Variants in RECQL5 observed in about 807,000 individuals in gnomAD.
The protein encoded by RECQL5 is ATP-dependent DNA helicase Q5.
A neutral mutation model predicts 103.4 loss-of-function variants in RECQL5; 88 were observed. The ratio of observed to expected loss-of-function variants is 0.85; its 90% CI spans 0.72 to 1.02. The LOEUF (loss-of-function observed/expected upper bound fraction) is 1.02, where lower values mean the gene tolerates loss of function less well. Ranked by LOEUF, RECQL5 falls within the 50% of genes least tolerant of loss-of-function variation. RECQL5 has a pLI of 0.00. For missense variants in RECQL5, 1,232 were observed against 1,284.3 expected (o/e 0.96, Z 0.62); for synonymous variants, 552 against 507.9 (o/e 1.09, Z -1.17).
At chr17:75,631,401 A>G (rs770014127) in intron 9 of RECQL5, 49 bp downstream of exon 9, 1 of 1,582,946 alleles carries the variant, frequency 6.3e-7, no homozygotes, top group South Asian at 1.1e-5. Context: ...CGCCAAGGGA[A>G]TGCCAGGCAA....
At chr17:75,648,466 C>G (rs114422498) in intron 8 of RECQL5, among the ~76,000 whole-genome samples, 1 of 152,046 alleles carries the variant, frequency 6.6e-6, no homozygotes, top group Admixed American at 6.5e-5. Flanking sequence ...CTCCACCTCC[C>G]GGGTCACGCC....
In RECQL5 at chr17:75,658,220, T is replaced by C; in HGVS notation, c.1149+78A>G. The C allele has an allele frequency of 5.3e-6, 8 of 1,496,112 alleles. No individual in the cohort carries two copies. The Middle Eastern group carries it at 7.1e-4, about 133-fold the overall frequency. 92.7% of individuals were successfully genotyped at this position (1,496,112 alleles called of 1,614,324 possible). A position where few individuals can be genotyped will look rare whatever the true frequency, so the allele number is the denominator to read the frequency against. ...CCTCCTCTAGCTTACACAAGCATCA[T>C]CAGAGTTCAGAAATCAGCTTCACAA... On this transcript the variant is annotated intron_variant, in intron 7 of 19. Coordinates refer to ENST00000317905, the MANE Select transcript of RECQL5 (RefSeq NM_004259.7).
rs2059403684 is a variant in RECQL5, at chr17:75,640,005, G to A, written c.1230-8337C>T. 1.5e-6 allele frequency: 1 copy of A among 686,116 alleles called. No homozygotes were observed. Among genetic ancestry groups the A allele is most frequent in the Non-Finnish European group, 2.3e-6 (1 of 431,180 alleles). 42.5% of individuals were successfully genotyped at this position (686,116 alleles called of 1,614,324 possible). A position where few individuals can be genotyped will look rare whatever the true frequency, so the allele number is the denominator to read the frequency against. On this transcript the variant is annotated intron_variant, in intron 8 of 19. Transcript: ENST00000317905. The surrounding 1 kb of genome is among the most constrained non-coding windows in gnomAD (Gnocchi z 4.6). ...CCCTGAGCTGTGTCAGCTGGGTGGG[G>A]ACTGAGGGCCACCACTAGGTGGAAG...
Position 75,640,257 on chromosome 17 carries a change from T to G in RECQL5, c.1230-8589A>C. 6.4e-7 allele frequency: 1 copy of G among 1,551,422 alleles called. No individual in the cohort carries two copies. The highest frequency in any genetic ancestry group is 8.7e-7 in the Non-Finnish European group (1 of 1,146,898). ...CGCGCCGTGGGCGAGAGGCTGCTGC[T>G]CAAGCTGCAGAGACTGCCCCAGGCT... On this transcript the variant is annotated intron_variant, in intron 8 of 19. Transcript: ENST00000317905. The surrounding 1 kb of genome is among the most constrained non-coding windows in gnomAD (Gnocchi z 4.6).
rs779095507 is a variant in RECQL5 at position 75,628,277 on chromosome 17, C to T, written c.2746G>A (p.Ala916Thr). 1 of 1,614,158 alleles carries T rather than the reference C, an allele frequency of 6.2e-7. No homozygotes were observed. Reference protein sequence around the residue: ...SAPGVSLKEAANVVVKCLTPF... With the variant: ...SAPGVSLKEATNVVVKCLTPF... ...GTGAGGCACTTGACCACAACATTTG[C>T]AGCCTCCTTCAAGGAGACGCCAGGA... Residue 916 changes from alanine to threonine, a missense_variant, in exon 18 of 20, where the codon GCA becomes ACA. Coordinates refer to ENST00000317905, the MANE Select transcript of RECQL5 (RefSeq NM_004259.7).
chr17:75,664,335 A>C (rs1293899760), intron 3 of RECQL5, among the ~76,000 whole-genome samples: 6 of 152,170 alleles, frequency 3.9e-5, no homozygotes, highest in Admixed American at 3.9e-4. Flanking sequence ...GCCCTTACCA[A>C]AATAAGCAGG....
At position 75,629,851 on chromosome 17, in the gene RECQL5, G is replaced by T; in HGVS notation, c.1813-9C>A. 6.3e-7 allele frequency: 1 copy of T among 1,587,492 alleles called. No homozygotes were observed. Among genetic ancestry groups the T allele is most frequent in the Non-Finnish European group, 8.6e-7 (1 of 1,164,838 alleles). On this transcript the variant is annotated splice_polypyrimidine_tract_variant and intron_variant, in intron 14 of 19. Transcript: ENST00000317905. ...CTGTGGATATCGGCCACCTGGGCAG[G>T]GATAGGCAGGGAGGCTGTGGCACCC...
chr17:75,630,569 A>G (rs904684314), intron 13 of RECQL5, 50 bp downstream of exon 13: 2 of 1,590,904 alleles, frequency 1.3e-6, no homozygotes, highest in African/African-American at 1.3e-5. Flanking sequence ...GCAGTCTCCA[A>G]GGGAACGAGA....
rs1401012541 is a variant in RECQL5 at position 75,661,079 on chromosome 17, G to C, written c.875-13C>G. The C allele has an allele frequency of 1.2e-6, 2 of 1,602,516 alleles. No homozygotes were observed. Among genetic ancestry groups the C allele is most frequent in the Middle Eastern group, 1.7e-4 (1 of 6,040 alleles). On this transcript the variant is annotated splice_polypyrimidine_tract_variant and intron_variant, in intron 5 of 19. Coordinates refer to ENST00000317905, the MANE Select transcript of RECQL5 (RefSeq NM_004259.7). ...GAGGCCTTCAGCCCTGTAAAGGAGG[G>C]GAAGATGGAGAAGGGAACTCACATT...
Position 75,627,296 on chromosome 17 carries a change from G to C in RECQL5, c.*126C>G. ...GGGGGTGTCTGGGGTCATCCCCAAA[G>C]CCAAGTATGGTTGGAAAGGAGAAGG... On this transcript the variant is annotated 3_prime_UTR_variant, in exon 20 of 20. Coordinates refer to ENST00000317905, the MANE Select transcript of RECQL5 (RefSeq NM_004259.7). 1.2e-6 allele frequency: 1 copy of C among 800,176 alleles called. No individual in the cohort carries two copies. The highest frequency in any genetic ancestry group is 2.1e-6 in the Non-Finnish European group (1 of 468,218). The allele number at this position is 800,176 out of a possible 1,614,324, so 49.6% of individuals were successfully genotyped here. A position where few individuals can be genotyped will look rare whatever the true frequency, so the allele number is the denominator to read the frequency against.
chr17:75,627,407 C>T lies in RECQL5; in HGVS notation c.*15G>A. On this transcript the variant is annotated 3_prime_UTR_variant, in exon 20 of 20. Transcript: ENST00000317905. ...ATCTGGGGGAGGACGCGGGCCCTGC[C>T]CAGCCAGCAGTTGGTCATCTCTGGG... The T allele has an allele frequency of 6.2e-7, 1 of 1,608,042 alleles. No homozygotes were observed. The highest frequency in any genetic ancestry group is 2.2e-5 in the East Asian group (1 of 44,826).
At position 75,629,336 on chromosome 17, in the gene RECQL5, C is replaced by G. The variant is rs1456160196; in HGVS notation, c.2087G>C (p.Arg696Pro). ...ATCCTCATCCAGGAGGCCACAGGGC[C>G]GGCTCGGGGGCTCGTGCTCGCCTCC... ...ERGGEHEPPS[R>P]PCGLLDEDGS... is the part of the protein sequence containing the mutation. The change falls in exon 16 of 20, where the codon CGG (arginine) becomes CCG (proline). Residue 696 changes from arginine to proline, a missense_variant. By Grantham distance (103) the Arg-to-Pro change is moderately radical. Coordinates refer to ENST00000317905, the MANE Select transcript of RECQL5 (RefSeq NM_004259.7). 4 of 1,527,016 alleles carry G rather than the reference C, an allele frequency of 2.6e-6. No homozygotes were observed. The highest frequency in any genetic ancestry group is 2.6e-6 in the Non-Finnish European group (3 of 1,137,266). 94.6% of individuals were successfully genotyped at this position (1,527,016 alleles called of 1,614,324 possible).
intron 1 of RECQL5, chr17:75,666,826 C>G (rs1456847770): frequency 2.5e-6 from 1 of 398,116 alleles, no homozygotes; most frequent in African/African-American, 2.1e-5. Flanking sequence ...AGCTAGAAAT[C>G]AGATCAAGAG....
Position 75,662,595 on chromosome 17 carries a change from G to C in RECQL5, c.655C>G (p.Pro219Ala). 2 of 1,614,180 alleles carry C rather than the reference G, an allele frequency of 1.2e-6. No individual in the cohort carries two copies. Among genetic ancestry groups the C allele is most frequent in the Non-Finnish European group, 1.7e-6 (2 of 1,180,044 alleles). The change falls in exon 4 of 20, where the codon CCC becomes GCC. Residue 219 changes from proline to alanine, a missense_variant. Transcript: ENST00000317905. ...TAGAAGAGGTTGGCCCGGAAGCAGG[G>C]AGTCTTGAAGATGGCAACTGGTTTC... ...LKKPVAIFKT[P>A]CFRANLFYDV... is the part of the protein sequence containing the mutation.
Position 75,627,365 on chromosome 17 carries a change from G to A in RECQL5, c.*57C>T. The stretch of plus-strand genomic sequence containing the variant: ...CCCTGGCATCAGCAGGTGAGGCCCA[G>A]GATGACCCATGCTAGAATCTGGGGG... On this transcript the variant is annotated 3_prime_UTR_variant, in exon 20 of 20. Coordinates refer to ENST00000317905, the MANE Select transcript of RECQL5 (RefSeq NM_004259.7). 1 of 1,320,902 alleles carries A rather than the reference G, an allele frequency of 7.6e-7. No homozygotes were observed. Among genetic ancestry groups the A allele is most frequent in the Non-Finnish European group, 1.1e-6 (1 of 917,192 alleles). 81.8% of individuals were successfully genotyped at this position (1,320,902 alleles called of 1,614,324 possible).
At chr17:75,648,055 G>A (rs1448190598) in intron 8 of RECQL5, 3 of 166,976 alleles carry the variant, frequency 1.8e-5, no homozygotes, top group Admixed American at 6.5e-5. Flanking sequence ...GGGCCTGCAC[G>A]CTCTAGCCTG....
chr17:75,664,070 A>AAAAG (rs1214265741), intron 3 of RECQL5, among the ~76,000 whole-genome samples: 23 of 149,308 alleles, frequency 1.5e-4, no homozygotes, highest in African/African-American at 4.3e-4. Context: ...AAAAAAAAAA[A>AAAAG]AAAGAAAGAA....
In RECQL5 at chr17:75,662,774, G is replaced by GC. The variant is rs756644921; in HGVS notation, c.475dup (p.Ala159GlyfsTer10). 4.3e-6 allele frequency: 7 copies of GC among 1,614,012 alleles called. No homozygotes were observed. The highest frequency in any genetic ancestry group is 4.0e-5 in the African/African-American group (3 of 74,930). ...ATGCCCCCATTGGGAAACACAATGAGCTTCATCCACCACCAAGTAAGACAG... is the reference window on the plus strand; with the variant it reads ...ATGCCCCCATTGGGAAACACAATGAGCCTTCATCCACCACCAAGTAAGACAG... On this transcript the variant is annotated frameshift_variant, in exon 4 of 20. Coordinates refer to ENST00000317905, the MANE Select transcript of RECQL5 (RefSeq NM_004259.7). LOFTEE classifies it high-confidence loss of function.
chr17:75,628,786 C>T (rs1296409993), intron 16 of RECQL5, 24 bp from the exon 17 acceptor site: 2 of 1,605,082 alleles, frequency 1.2e-6, no homozygotes, highest in Admixed American at 3.5e-5. Flanking sequence ...GAGCAGGCAT[C>T]ACAGCACTGG....
Sources: allele counts gnomAD v4.1 joint callset (sites outside exome capture counted in the v4.1 genomes callset), GRCh38; gene constraint gnomAD v4.1.1; non-coding constraint Gnocchi (gnomAD v3.1); transcripts MANE v1.5; gene names NCBI Gene and HGNC (gene_info 2026-07-23, HGNC 2026-07-21).